SNX25: variants seen among roughly 807,000 people sequenced by gnomAD.
The protein encoded by SNX25 is sorting nexin-25.
In SNX25, 62 loss-of-function variants were observed where a neutral mutation model predicts 113.7. The observed-to-expected ratio is 0.55, with a 90% confidence interval of 0.44 to 0.67. SNX25 has a LOEUF of 0.67. SNX25 is among the 30% of genes least tolerant of loss of function. The pLI, the probability that SNX25 is intolerant of heterozygous loss-of-function variation, is 0.00. For missense variants in SNX25, 1,014 were observed against 1,161.0 expected, an observed-to-expected ratio of 0.87 and a Z score of 1.84; for synonymous variants, 421 against 436.2, an observed-to-expected ratio of 0.97 and a Z score of 0.43.
intron 1 of SNX25, among the ~76,000 whole-genome samples, chr4:185,224,526 T>A (rs1379511839): frequency 6.1e-4 from 63 of 103,410 alleles, no homozygotes; most frequent in African/African-American, 1.6e-3. Context: ...TAAATATATA[T>A]ACATATATAT....
intron 1 of SNX25, among the ~76,000 whole-genome samples, chr4:185,218,633 GA>G (rs1209829285): frequency 6.6e-6 from 1 of 152,188 alleles, no homozygotes; most frequent in Non-Finnish European, 1.5e-5. Context: ...AAAGAAAAAT[GA>G]ATATGGTAAC....
At chr4:185,262,649 C>G (rs147831996) in intron 3 of SNX25, among the ~76,000 whole-genome samples, 201 of 152,294 alleles carry the variant, frequency 1.3e-3, no homozygotes, top group African/African-American at 4.5e-3. Context: ...ATTTTCTCAT[C>G]TATAGAATAC....
At chr4:185,281,093 T>TA in intron 5 of SNX25, among the ~76,000 whole-genome samples, 1 of 152,294 alleles carries the variant, frequency 6.6e-6, no homozygotes, top group South Asian at 2.1e-4. Flanking sequence ...CTTCCACTGC[T>TA]ACACTGTCTC....
intron 7 of SNX25, among the ~76,000 whole-genome samples, chr4:185,315,320 G>C (rs1322213044): frequency 7.1e-6 from 1 of 141,060 alleles, no homozygotes; most frequent in Admixed American, 7.2e-5. Flanking sequence ...TTGAGGTGGA[G>C]TCTTCCTCTG....
chr4:185,375,622 A>T, the SNX25 span: 1 of 1,601,222 alleles, frequency 6.2e-7, no homozygotes, highest in Non-Finnish European at 8.5e-7. Flanking sequence ...CAGCGTCTAG[A>T]GTGGTCCCCA....
At chr4:185,377,985 CAAT>C in the SNX25 span, 3 of 1,023,328 alleles carry the variant, frequency 2.9e-6, no homozygotes, top group Non-Finnish European at 2.9e-6. Context: ...TCCTTGAAAT[CAAT>C]AAAACACATT....
intron 2 of SNX25, among the ~76,000 whole-genome samples, chr4:185,252,174 A>T (rs925757260): frequency 2.0e-5 from 3 of 152,170 alleles, no homozygotes; most frequent in African/African-American, 7.2e-5. Context: ...ACAACAAACA[A>T]AACTAGAATC....
intron 5 of SNX25, among the ~76,000 whole-genome samples, chr4:185,283,707 G>C (rs1400995089): frequency 6.6e-6 from 1 of 152,174 alleles, no homozygotes; most frequent in Non-Finnish European, 1.5e-5. Flanking sequence ...AAAGCAATGA[G>C]ACCTTGTATA....
At chr4:185,295,451 C>CT (rs11342153) in intron 6 of SNX25, among the ~76,000 whole-genome samples, 175 of 137,628 alleles carry the variant, frequency 1.3e-3, no homozygotes, top group Middle Eastern at 3.7e-3. Context: ...TCTGGTGAGT[C>CT]TTTTTTTTTT....
Position 185,342,251 on chromosome 4 carries a change from G to A in SNX25, c.2187+135G>A, listed in dbSNP as rs1335163309. The A allele has an allele frequency of 6.7e-6, 7 of 1,045,800 alleles. No homozygotes were observed. In the East Asian group the frequency reaches 2.0e-4, roughly 30 times the overall value. 64.8% of individuals were successfully genotyped at this position (1,045,800 alleles called of 1,614,324 possible). On this transcript the variant is annotated intron_variant, in intron 12 of 18. Coordinates refer to ENST00000652585, the MANE Select transcript of SNX25 (RefSeq NM_001378034.2). ...CAGTGGCATTTTCATCCTGACATTT[G>A]GAAATTTACTCATAGATCAAACCAT...
chr4:185,313,204 G>C (rs770651835), intron 7 of SNX25, among the ~76,000 whole-genome samples: 1 of 152,214 alleles, frequency 6.6e-6, no homozygotes, highest in Non-Finnish European at 1.5e-5. Flanking sequence ...TAAAGGCACA[G>C]ATAAGTTGGA....
chr4:185,325,119 T>C (rs1297434473), intron 9 of SNX25, among the ~76,000 whole-genome samples: 1 of 152,216 alleles, frequency 6.6e-6, no homozygotes, highest in Non-Finnish European at 1.5e-5. Flanking sequence ...CTTTAAGTTT[T>C]TCAGCAGTGT....
chr4:185,346,626 G>C lies in SNX25; in HGVS notation c.2277G>C (p.Lys759Asn), dbSNP rs2095288255. Reference protein sequence around the residue: ...SIDQKFMEKSKNQLNKFLQNL... With the variant: ...SIDQKFMEKSNNQLNKFLQNL... ...ATCAAAAGTTTATGGAAAAGTCGAAGAATCAATTAAATAAGTTTTTACAGG... is the reference window on the plus strand; with the variant it reads ...ATCAAAAGTTTATGGAAAAGTCGAACAATCAATTAAATAAGTTTTTACAGG... Residue 759 changes from lysine to asparagine, a missense_variant, in exon 13 of 19, where the codon AAG becomes AAC. By Grantham distance (94) the Lys-to-Asn change is moderately conservative. Coordinates refer to ENST00000652585, the MANE Select transcript of SNX25 (RefSeq NM_001378034.2). The C allele has an allele frequency of 1.3e-6, 2 of 1,581,472 alleles. No homozygotes were observed. Among genetic ancestry groups the C allele is most frequent in the Non-Finnish European group, 1.7e-6 (2 of 1,170,430 alleles).
At chr4:185,294,330 A>C (rs1752573033) in intron 6 of SNX25, among the ~76,000 whole-genome samples, 1 of 152,160 alleles carries the variant, frequency 6.6e-6, no homozygotes, top group Non-Finnish European at 1.5e-5. Context: ...CCTTGGTTCA[A>C]GTTCTCTTGT....
At chr4:185,206,078 A>G (rs1737176115), upstream of SNX25, among the ~76,000 whole-genome samples, 1 of 152,254 alleles carries the variant, frequency 6.6e-6, no homozygotes, top group Non-Finnish European at 1.5e-5. Flanking sequence ...TAGCATACTC[A>G]GCCACTGTGG....
At position 185,210,297 on chromosome 4, in the gene SNX25, C is replaced by T. The variant is rs910851472; in HGVS notation, c.429+42C>T. The T allele has an allele frequency of 1.7e-5, 17 of 984,598 alleles. No individual in the cohort carries two copies. Among genetic ancestry groups the T allele is most frequent in the Admixed American group, 1.2e-4 (2 of 16,162 alleles). The allele number at this position is 984,598 out of a possible 1,614,324, so 61.0% of individuals were successfully genotyped here. On this transcript the variant is annotated intron_variant, in intron 1 of 18. Transcript: ENST00000652585. The surrounding 1 kb of genome is among the most constrained non-coding windows in gnomAD (Gnocchi z 4.4). Reference sequence around the variant, plus strand: ...TGGCCGCCCAGCTCCGCCGGCCCTCCCCGCTTCCGGTGCCAGCTCCCGCGC... The same window carrying T: ...TGGCCGCCCAGCTCCGCCGGCCCTCTCCGCTTCCGGTGCCAGCTCCCGCGC...
At chr4:185,234,404 C>T (rs1487306312) in intron 1 of SNX25, among the ~76,000 whole-genome samples, 1 of 19,042 alleles carries the variant, frequency 5.3e-5, no homozygotes, top group Non-Finnish European at 1.4e-4. Flanking sequence ...TTAGGCTGGC[C>T]GGGCGCGGTG....
intron 1 of SNX25, among the ~76,000 whole-genome samples, chr4:185,230,392 ATT>A (rs35035428): frequency 7.2e-6 from 1 of 139,778 alleles, no homozygotes. Context: ...AGGAATCATA[ATT>A]TTTTTTTTTT....
intron 12 of SNX25, among the ~76,000 whole-genome samples, chr4:185,344,353 G>A (rs375730487): frequency 2.6e-5 from 4 of 152,170 alleles, no homozygotes; most frequent in East Asian, 3.8e-4. Flanking sequence ...CTGATGGCTC[G>A]TCTTGAATTA....
Sources: gnomAD v4.1 joint callset for allele counts (sites outside exome capture counted in the v4.1 genomes callset) on GRCh38, gnomAD v4.1.1 for gene constraint, Gnocchi (gnomAD v3.1) non-coding constraint, MANE v1.5 for transcripts, NCBI Gene and HGNC (gene_info 2026-07-23, HGNC 2026-07-21) for gene names.